Variants in MSH3 observed in about 807,000 individuals in gnomAD.
The protein encoded by MSH3 is DNA mismatch repair protein Msh3.
In MSH3, 106 loss-of-function variants were observed where a neutral mutation model predicts 123.3. The ratio of observed to expected loss-of-function variants is 0.86; its 90% CI spans 0.73 to 1.01. MSH3 has a LOEUF of 1.01. Ranked by LOEUF, MSH3 falls within the 50% of genes least tolerant of loss-of-function variation. The probability of loss-of-function intolerance (pLI) is 0.00; values close to 1 mark genes in which losing one functional copy is unlikely to be tolerated. For synonymous variants in MSH3, 515 were observed against 481.4 expected, an observed-to-expected ratio of 1.07 and a Z score of -0.91; for missense variants, 1,459 against 1,347.6, an observed-to-expected ratio of 1.08 and a Z score of -1.29.
At chr5:80,767,884 C>G in intron 13 of MSH3, 49 bp from the exon 14 acceptor site, 1 of 1,432,706 alleles carries the variant, frequency 7.0e-7, no homozygotes, top group Non-Finnish European at 9.8e-7. Context: ...AATTAAACTT[C>G]ATTTTCATGT....
intron 8 of MSH3, among the ~76,000 whole-genome samples, chr5:80,699,781 A>C (rs1750568188): frequency 6.6e-6 from 1 of 152,228 alleles, no homozygotes; most frequent in South Asian, 2.1e-4. Flanking sequence ...TGATTGAAGC[A>C]TCCTGACATT....
chr5:80,847,257 G>C (rs1745741114), intron 20 of MSH3, among the ~76,000 whole-genome samples: 1 of 151,736 alleles, frequency 6.6e-6, no homozygotes, highest in East Asian at 1.9e-4. Flanking sequence ...ATGTGGTTTT[G>C]CCATGTTGGC....
intron 8 of MSH3, among the ~76,000 whole-genome samples, chr5:80,686,427 C>G (rs142461157): frequency 2.0e-5 from 3 of 151,170 alleles, no homozygotes; most frequent in African/African-American, 7.3e-5. Flanking sequence ...CTCAGCCTCC[C>G]GAGTAGCTGG....
At position 80,654,924 on chromosome 5, in the gene MSH3, C is replaced by T. The variant is rs1749217090; in HGVS notation, c.197C>T (p.Pro66Leu). 2.4e-6 allele frequency: 2 copies of T among 818,774 alleles called. No individual in the cohort carries two copies. Among genetic ancestry groups the T allele is most frequent in the African/African-American group, 2.8e-5 (1 of 35,118 alleles). The allele number at this position is 818,774 out of a possible 1,614,324, so 50.7% of individuals were successfully genotyped here. ...AAAAAAAPPA[P>L]PAPAFPPQLP... ...GCAGCGGCCGCAGCGCCCCCAGCGC[C>T]CCCAGCTCCCGCCTTCCCGCCCCAG... The change falls in exon 1 of 24, where the codon CCC becomes CTC. Residue 66 changes from proline to leucine, a missense_variant. By Grantham distance (98) the Pro-to-Leu change is moderately conservative. Transcript: ENST00000265081.
intron 8 of MSH3, among the ~76,000 whole-genome samples, chr5:80,723,038 G>A (rs558678773): frequency 2.8e-4 from 43 of 152,052 alleles, no homozygotes; most frequent in African/African-American, 9.2e-4. Flanking sequence ...CTGGGAGGTC[G>A]ATGATGCTGC....
chr5:80,871,331 C>A lies in MSH3; in HGVS notation c.3131-1785C>A, dbSNP rs558040272. ...CAACAGATTACCCCCCAAAACATAG[C>A]GGCTTAGAACAACAAACATTTATTA... On this transcript the variant is annotated intron_variant, in intron 22 of 23. Coordinates refer to ENST00000265081, the MANE Select transcript of MSH3 (RefSeq NM_002439.5). 3.9e-5 allele frequency among the ~76,000 whole-genome samples: 6 copies of A among 152,266 alleles called. No homozygotes were observed. The South Asian group carries it at 1.2e-3, about 32-fold the overall frequency.
chr5:80,768,828 T>G lies in MSH3; in HGVS notation c.2085-7T>G, dbSNP rs1580034750. The G allele has an allele frequency of 1.3e-6, 2 of 1,598,878 alleles. No individual in the cohort carries two copies. The highest frequency in any genetic ancestry group is 1.7e-6 in the Non-Finnish European group (2 of 1,167,902). ...CGAATATGTATTTGCATGTTTTGAT[T>G]TTTTAGAGTTGGGGATAAAACTGAA... On this transcript the variant is annotated splice_polypyrimidine_tract_variant and splice_region_variant and intron_variant, in intron 14 of 23. Coordinates refer to ENST00000265081, the MANE Select transcript of MSH3 (RefSeq NM_002439.5).
chr5:80,694,838 C>A (rs1750432641), intron 8 of MSH3, among the ~76,000 whole-genome samples: 1 of 150,938 alleles, frequency 6.6e-6, no homozygotes, highest in Admixed American at 6.6e-5. Context: ...AATCTACTAT[C>A]ATTCAAATTG....
intron 8 of MSH3, among the ~76,000 whole-genome samples, chr5:80,686,351 G>T (rs944951271): frequency 6.6e-6 from 1 of 150,894 alleles, no homozygotes; most frequent in South Asian, 2.2e-4. Context: ...CACCCAGGGG[G>T]CAGTGCAGTG....
At chr5:80,771,832 C>T (rs895458574) in intron 15 of MSH3, among the ~76,000 whole-genome samples, 1 of 152,154 alleles carries the variant, frequency 6.6e-6, no homozygotes, top group African/African-American at 2.4e-5. Flanking sequence ...TTTATATACT[C>T]ATTAGAATAC....
intron 20 of MSH3, among the ~76,000 whole-genome samples, chr5:80,816,711 A>G (rs1745107539): frequency 6.6e-6 from 1 of 152,204 alleles, no homozygotes; most frequent in Admixed American, 6.5e-5. Context: ...TTAAGTGGAA[A>G]GGAGTCATAT....
At chr5:80,870,174 CAAAAAA>C (rs745491509) in intron 22 of MSH3, among the ~76,000 whole-genome samples, 2 of 105,886 alleles carry the variant, frequency 1.9e-5, no homozygotes, top group Non-Finnish European at 3.8e-5. Context: ...AACTCCGTCT[CAAAAAA>C]AAAAAAAAAA....
rs532300471 is a variant in MSH3 at position 80,716,402 on chromosome 5, G to A, written c.1341-9051G>A. 1.4e-4 allele frequency among the ~76,000 whole-genome samples: 22 copies of A among 151,814 alleles called. No homozygotes were observed. In the East Asian group the frequency reaches 3.7e-3, roughly 25 times the overall value. On this transcript the variant is annotated intron_variant, in intron 8 of 23. Coordinates refer to ENST00000265081, the MANE Select transcript of MSH3 (RefSeq NM_002439.5). Reference sequence around the variant, plus strand: ...AAGTCTTTTTTTTTATTTCTCTCCTGTGTCTTTTATGATAGTATCTGACAA... The same window carrying A: ...AAGTCTTTTTTTTTATTTCTCTCCTATGTCTTTTATGATAGTATCTGACAA...
At chr5:80,807,812 A>C (rs1419853893) in intron 19 of MSH3, among the ~76,000 whole-genome samples, 2 of 152,160 alleles carry the variant, frequency 1.3e-5, no homozygotes, top group African/African-American at 4.8e-5. Flanking sequence ...ACAGATACCC[A>C]CCTCAGACCG....
At chr5:80,752,840 G>A (rs1022295961) in intron 12 of MSH3, among the ~76,000 whole-genome samples, 2 of 152,076 alleles carry the variant, frequency 1.3e-5, no homozygotes, top group Admixed American at 1.3e-4. Context: ...AAGTCTATGT[G>A]TATCAACATG....
chr5:80,657,443 A>G (rs990950343), intron 2 of MSH3, among the ~76,000 whole-genome samples: 2 of 152,210 alleles, frequency 1.3e-5, no homozygotes, highest in African/African-American at 4.8e-5. Flanking sequence ...TCTGTCTCAA[A>G]ACAAAAAACA....
chr5:80,728,872 T>C lies in MSH3; in HGVS notation c.1475T>C (p.Ile492Thr). The change falls in exon 10 of 24, where the codon ATT (isoleucine) becomes ACT (threonine). Residue 492 changes from isoleucine (I) to threonine (T), a missense_variant. By Grantham distance (89) the Ile-to-Thr change is moderately conservative (BLOSUM62 -1). Transcript: ENST00000265081. ...CTAGGTTCTCAAATTATTTCTGGCA[T>C]TGTTAACTTAGAGAAGCCTGTGATT... Reference protein sequence around the residue: ...DIKGSQIISGIVNLEKPVICS... With the variant: ...DIKGSQIISGTVNLEKPVICS... 6.2e-7 allele frequency: 1 copy of C among 1,601,166 alleles called. No homozygotes were observed. The highest frequency in any genetic ancestry group is 1.1e-5 in the South Asian group (1 of 90,618).
At chr5:80,829,274 A>C (rs1745377977) in intron 20 of MSH3, among the ~76,000 whole-genome samples, 1 of 152,182 alleles carries the variant, frequency 6.6e-6, no homozygotes, top group African/African-American at 2.4e-5. Context: ...TGCAGTGTTG[A>C]AAAGGAGTGG....
At position 80,670,613 on chromosome 5, in the gene MSH3, C is replaced by T. The variant is rs1749683213; in HGVS notation, c.792+304C>T. Among the ~76,000 whole-genome samples the T allele has an allele frequency of 1.3e-5, 2 of 152,238 alleles. 1 individual carries two copies. The highest frequency in any genetic ancestry group is 4.2e-4 in the South Asian group (2 of 4,818). On this transcript the variant is annotated intron_variant, in intron 4 of 23. Transcript: ENST00000265081. ...AGTCAATTAGTGAATAAACCGTAAT[C>T]ATGTAAATATGTTTTCTAATGAAGA...
Sources: allele counts gnomAD v4.1 joint callset (sites outside exome capture counted in the v4.1 genomes callset), GRCh38; gene constraint gnomAD v4.1.1; transcripts MANE v1.5; gene names NCBI Gene and HGNC (gene_info 2026-07-23, HGNC 2026-07-21).